RBFOX1: variants seen among roughly 807,000 people sequenced by gnomAD.
RBFOX1 encodes RNA binding protein fox-1 homolog 1.
In RBFOX1, 8 loss-of-function variants were observed where a neutral mutation model predicts 57.7. The observed-to-expected ratio is 0.14, with a 90% CI of 0.08 to 0.25. The LOEUF (loss-of-function observed/expected upper bound fraction) is 0.25, where lower values mean the gene tolerates loss of function less well. Ranked by LOEUF, RBFOX1 falls within the 10% of genes least tolerant of loss-of-function variation. The probability of loss-of-function intolerance (pLI) is 1.00; values close to 1 mark genes in which losing one functional copy is unlikely to be tolerated. For missense variants in RBFOX1, 611 were observed against 548.5 expected, an observed-to-expected ratio of 1.11 and a Z score of -1.14; for synonymous variants, 326 against 222.4, an observed-to-expected ratio of 1.47 and a Z score of -4.15.
At chr16:7,161,124 C>G (rs1295268996) in intron 4 of RBFOX1, among the ~76,000 whole-genome samples, 1 of 152,214 alleles carries the variant, frequency 6.6e-6, no homozygotes, top group African/African-American at 2.4e-5. Context: ...AGACCAACCT[C>G]TGGGATTACA....
At chr16:6,372,882 A>G (rs1475954181) in intron 2 of RBFOX1, among the ~76,000 whole-genome samples, 9 of 121,766 alleles carry the variant, frequency 7.4e-5, no homozygotes, top group South Asian at 2.8e-4. Context: ...TGGAGATTTG[A>G]TGGAAGAGTA....
chr16:5,424,242 T>G (rs1368319831), intron 1 of RBFOX1, among the ~76,000 whole-genome samples: 1 of 152,214 alleles, frequency 6.6e-6, no homozygotes, highest in East Asian at 1.9e-4. Flanking sequence ...TGAATTGCAT[T>G]GAGAGACAGC....
chr16:7,711,060 T>C lies in RBFOX1; in HGVS notation c.*315T>C, dbSNP rs1454824548. The C allele has an allele frequency of 1.4e-5, 3 of 218,534 alleles. No individual in the cohort carries two copies. The highest frequency in any genetic ancestry group is 2.3e-5 in the African/African-American group (1 of 44,190). 13.5% of individuals were successfully genotyped at this position (218,534 alleles called of 1,614,324 possible). ...GGGCCATATCCAGAGTGCTATATTA[T>C]GTAAATGAATTATATATGCTGAATA... On this transcript the variant is annotated 3_prime_UTR_variant, in exon 16 of 16. Transcript: ENST00000550418.
At chr16:6,920,016 T>C (rs984625279) in intron 3 of RBFOX1, among the ~76,000 whole-genome samples, 1 of 152,122 alleles carries the variant, frequency 6.6e-6, no homozygotes, top group African/African-American at 2.4e-5. Flanking sequence ...CTCTCCCTTA[T>C]AAGACGGAAA....
chr16:6,163,159 G>A (rs1386083359), intron 1 of RBFOX1, among the ~76,000 whole-genome samples: 1 of 152,144 alleles, frequency 6.6e-6, no homozygotes, highest in Non-Finnish European at 1.5e-5. Context: ...TACCTAGAAT[G>A]GGATGCATAT....
intron 4 of RBFOX1, among the ~76,000 whole-genome samples, chr16:7,365,876 A>C (rs955761791): frequency 6.6e-6 from 1 of 152,206 alleles, no homozygotes; most frequent in African/African-American, 2.4e-5. Flanking sequence ...TTAATACCCT[A>C]AGACTCTCCT....
intron 3 of RBFOX1, among the ~76,000 whole-genome samples, chr16:7,032,408 C>G (rs1597519634): frequency 6.6e-6 from 1 of 151,932 alleles, no homozygotes; most frequent in South Asian, 2.1e-4. Context: ...TCCCAGTGCA[C>G]TCCAATCTGG....
At chr16:5,623,603 C>T (rs2048262502) in intron 3 of RBFOX1, among the ~76,000 whole-genome samples, 2 of 150,268 alleles carry the variant, frequency 1.3e-5, no homozygotes, top group East Asian at 2.2e-4. Context: ...GATAAATTCT[C>T]ACCGGTGCCT....
intron 3 of RBFOX1, among the ~76,000 whole-genome samples, chr16:6,678,490 C>G (rs2058109408): frequency 6.6e-6 from 1 of 151,442 alleles, no homozygotes; most frequent in African/African-American, 2.4e-5. Flanking sequence ...GGTCCTAAAC[C>G]TTCAAAATCT....
rs572722079 is a variant in RBFOX1, at chr16:5,823,374, G to C, written c.319-43929G>C. Among the ~76,000 whole-genome samples, 4 of 152,322 alleles carry C rather than the reference G, an allele frequency of 2.6e-5. No individual in the cohort carries two copies. The South Asian group carries it at 8.3e-4, about 32-fold the overall frequency. On this transcript the variant is annotated intron_variant, in intron 3 of 19. Transcript: ENST00000641259. ...GTAGCTCCTGCCTCTTGGAACTAAT[G>C]AGCTGGCAGAGTCGTAACCAAATGC...
intron 3 of RBFOX1, among the ~76,000 whole-genome samples, chr16:6,731,609 A>G (rs1019854866): frequency 2.0e-5 from 3 of 152,032 alleles, no homozygotes; most frequent in African/African-American, 4.8e-5. Context: ...CCCTTAACTA[A>G]TGGCTCTTGG....
chr16:7,352,109 T>G (rs560263810), intron 4 of RBFOX1, among the ~76,000 whole-genome samples: 1 of 152,122 alleles, frequency 6.6e-6, no homozygotes, highest in Non-Finnish European at 1.5e-5. Flanking sequence ...CATTTCCACT[T>G]GATTGTCAAA....
Position 5,296,278 on chromosome 16 carries a change from T to A in RBFOX1, c.219+56173T>A, listed in dbSNP as rs113089469. 3.5e-4 allele frequency among the ~76,000 whole-genome samples: 53 copies of A among 152,332 alleles called. 2 individuals carry two copies. The highest frequency in any genetic ancestry group is 1.2e-3 in the African/African-American group (48 of 41,570). ...GTAGATGCATCTTTGAGGGACTATG[T>A]TTCGGGTGGCCTCTCATGACTTGGT... is the stretch of plus-strand genomic sequence containing the variant. On this transcript the variant is annotated intron_variant, in intron 1 of 2. Coordinates refer to the RBFOX1 transcript ENST00000585867.
intron 4 of RBFOX1, among the ~76,000 whole-genome samples, chr16:5,986,564 G>T (rs2060290463): frequency 6.6e-6 from 1 of 152,106 alleles, no homozygotes; most frequent in Non-Finnish European, 1.5e-5. Context: ...CCTGTCACGT[G>T]TTACCACTGA....
chr16:7,535,956 TGGAGATACAAGAGTGAATAAGA>T (rs2081363368), intron 5 of RBFOX1, among the ~76,000 whole-genome samples: 2 of 152,148 alleles, frequency 1.3e-5, no homozygotes, highest in Non-Finnish European at 2.9e-5. Context: ...AACTGGGCCT[TGGAGATACAAGAGTGAATAAGA>T]CAGACATAGC....
At chr16:5,393,345 G>T (rs145010630) in intron 1 of RBFOX1, among the ~76,000 whole-genome samples, 2 of 152,212 alleles carry the variant, frequency 1.3e-5, no homozygotes, top group Non-Finnish European at 2.9e-5. Flanking sequence ...CAGCTTGGGT[G>T]TATCTGTCCG....
At chr16:6,656,505 C>T (rs1482203942) in intron 3 of RBFOX1, among the ~76,000 whole-genome samples, 1 of 151,854 alleles carries the variant, frequency 6.6e-6, no homozygotes, top group Non-Finnish European at 1.5e-5. Context: ...GCCCTGGTTT[C>T]TGGCTACTCT....
chr16:6,941,046 G>T (rs1029696132), intron 3 of RBFOX1, among the ~76,000 whole-genome samples: 1 of 152,050 alleles, frequency 6.6e-6, no homozygotes, highest in Non-Finnish European at 1.5e-5. Context: ...GGACGCCTAT[G>T]TGCGTGTACG....
intron 4 of RBFOX1, among the ~76,000 whole-genome samples, chr16:7,160,126 C>T (rs930748648): frequency 5.9e-5 from 9 of 151,976 alleles, no homozygotes; most frequent in Admixed American, 5.9e-4. Flanking sequence ...TTATCCCTTT[C>T]ATAATTTTCA....
Sources: allele counts gnomAD v4.1 joint callset (sites outside exome capture counted in the v4.1 genomes callset), GRCh38; gene constraint gnomAD v4.1.1; transcripts MANE v1.5; gene names NCBI Gene and HGNC (gene_info 2026-07-23, HGNC 2026-07-21).